TECPR1: variants seen among roughly 807,000 people sequenced by gnomAD.
TECPR1 encodes the protein tectonin beta-propeller repeat-containing protein 1.
A neutral mutation model predicts 162.4 loss-of-function variants in TECPR1; 122 were observed. That is an observed-to-expected ratio of 0.75 (90% CI 0.65 to 0.87). The LOEUF is 0.87. Among genes scored for constraint, TECPR1 ranks in the 40% least tolerant of loss-of-function variants. The probability of loss-of-function intolerance (pLI) is 0.00; values close to 1 mark genes in which losing one functional copy is unlikely to be tolerated. For synonymous variants in TECPR1, 642 were observed against 670.6 expected (o/e 0.96, Z 0.66); for missense variants, 1,432 against 1,618.2 (o/e 0.88, Z 1.97).
Position 98,240,853 on chromosome 7 carries a change from T to C in TECPR1, c.931A>G (p.Lys311Glu), listed in dbSNP as rs1798724925. 4.4e-6 allele frequency: 7 copies of C among 1,599,818 alleles called. No individual in the cohort carries two copies. Among genetic ancestry groups the C allele is most frequent in the Non-Finnish European group, 6.0e-6 (7 of 1,175,996 alleles). Residue 311 changes from lysine to glutamate, a missense_variant and splice_region_variant, in exon 8 of 26, where the codon AAG becomes GAG. Coordinates refer to ENST00000447648, the MANE Select transcript of TECPR1 (RefSeq NM_015395.3). ...CCCCAGCCTCATCCCCATCTTACCT[T>C]CCAGTCCTTGGTGACAGCCCAGACC... ...SVVWAVTKDW[K>E]VWFRRGVNSH...
chr7:98,218,197 C>T (rs1798063458), intron 23 of TECPR1, among the ~76,000 whole-genome samples, 155 bp from the exon 24 acceptor site: 1 of 152,210 alleles, frequency 6.6e-6, no homozygotes, highest in Admixed American at 6.5e-5. Flanking sequence ...GAGTCAGGGC[C>T]ACAGCCTCCT....
At chr7:98,239,324 G>A (rs1798686972) in intron 8 of TECPR1, among the ~76,000 whole-genome samples, 2 of 152,218 alleles carry the variant, frequency 1.3e-5, no homozygotes, top group African/African-American at 4.8e-5. Flanking sequence ...GCTGAGGCGG[G>A]TGGATCACCT....
Position 98,222,375 on chromosome 7 carries a change from G to T in TECPR1, c.3064+11C>A. 6.2e-7 allele frequency: 1 copy of T among 1,605,334 alleles called. No individual in the cohort carries two copies. Among genetic ancestry groups the T allele is most frequent in the Non-Finnish European group, 8.5e-7 (1 of 1,176,502 alleles). On this transcript the variant is annotated intron_variant, in intron 22 of 25. Transcript: ENST00000447648. ...TGAACACTGCAGGGGCTCCTGGGGC[G>T]CGGCACTCACCGGCTGGCTGCGAGG...
intron 15 of TECPR1, among the ~76,000 whole-genome samples, chr7:98,229,651 C>T (rs1401503594): frequency 7.0e-6 from 1 of 143,824 alleles, no homozygotes; most frequent in Admixed American, 6.9e-5. Flanking sequence ...GGTGCCAGCA[C>T]AGCATGGCCT....
rs755289943 is a variant in TECPR1 at position 98,244,952 on chromosome 7, G to A, written c.341C>T (p.Pro114Leu). 7.4e-6 allele frequency: 12 copies of A among 1,612,856 alleles called. No homozygotes were observed. Among genetic ancestry groups the A allele is most frequent in the Admixed American group, 1.7e-5 (1 of 59,998 alleles). Residue 114 changes from proline (P) to leucine (L), a missense_variant, in exon 4 of 26, where the codon CCG (proline) becomes CTG (leucine). Coordinates refer to ENST00000447648, the MANE Select transcript of TECPR1 (RefSeq NM_015395.3). The stretch of plus-strand genomic sequence containing the variant: ...CCAGTCAGACTCCCACTCCCAGTGC[G>A]GCGAGGGCAGTGCCACCCTGTCCAG... The part of the protein sequence containing the change: ...RPLDRVALPS[P>L]HWEWESDWYV...
chr7:98,247,214 C>T (rs1255472716), intron 2 of TECPR1, among the ~76,000 whole-genome samples: 1 of 151,992 alleles, frequency 6.6e-6, no homozygotes, highest in African/African-American at 2.4e-5. Context: ...TTGATTACAA[C>T]TCGTTGCGGC....
chr7:98,245,047 G>A lies in TECPR1; in HGVS notation c.246C>T (p.Gly82=). Residue 82 remains glycine (G), a synonymous_variant, in exon 4 of 26, where the codon GGC becomes GGT. Transcript: ENST00000447648. ...CACTCAGCAGGAGCTTCTCACAGAA[G>A]CCGCCCATGGGATTCCAGCGCTGAG... ...YENQRWNPMG[G]FCEKLLLSDR... is the part of the protein sequence containing the mutation. 6.3e-7 allele frequency: 1 copy of A among 1,593,216 alleles called. No individual in the cohort carries two copies.
At chr7:98,225,189 G>T in intron 17 of TECPR1, 87 bp from the exon 18 acceptor site, 1 of 1,273,170 alleles carries the variant, frequency 7.9e-7, no homozygotes, top group Non-Finnish European at 1.1e-6. Flanking sequence ...CCACAGGGAA[G>T]CACCGAGCTC....
At position 98,229,172 on chromosome 7, in the gene TECPR1, AGGATGGGAGAG is replaced by A. The variant is rs1363765339; in HGVS notation, c.2283-17_2283-7del. 3 of 1,554,930 alleles carry A rather than the reference AGGATGGGAGAG, an allele frequency of 1.9e-6. No individual in the cohort carries two copies. Among genetic ancestry groups the A allele is most frequent in the Non-Finnish European group, 2.6e-6 (3 of 1,149,344 alleles). ...CTCCCATCTGCCGCCAAAACCTGGA[AGGATGGGAGAG>A]GGCAGGTGGAAACCCCTCAGACCCC... On this transcript the variant is annotated splice_polypyrimidine_tract_variant and splice_region_variant and intron_variant, in intron 15 of 25. Coordinates refer to ENST00000447648, the MANE Select transcript of TECPR1 (RefSeq NM_015395.3).
intron 20 of TECPR1, 129 bp downstream of exon 20, chr7:98,223,533 C>G: frequency 1.0e-6 from 1 of 970,340 alleles, no homozygotes; most frequent in Non-Finnish European, 1.6e-6. Flanking sequence ...CTACTCCCCA[C>G]TGCTTCTTCC....
chr7:98,217,714 T>C lies in TECPR1; in HGVS notation c.3362A>G (p.His1121Arg), dbSNP rs1294651139. The change falls in exon 25 of 26, where the codon CAC (histidine) becomes CGC (arginine). Residue 1121 changes from histidine (H) to arginine (R), a missense_variant. By Grantham distance (29) the His-to-Arg change is conservative (BLOSUM62 0). Transcript: ENST00000447648. ...CACCCCGATGCCGTAGTCCCAGCCG[T>C]GGCCCTTGGGCTCGTGAGGCTGCAC... is the stretch of plus-strand genomic sequence containing the variant. ...TGVQPHEPKG[H>R]GWDYGIGGGW... 6 of 1,548,206 alleles carry C rather than the reference T, an allele frequency of 3.9e-6. No homozygotes were observed. The highest frequency in any genetic ancestry group is 5.2e-6 in the Non-Finnish European group (6 of 1,145,714).
At position 98,224,872 on chromosome 7, in the gene TECPR1, G is replaced by T. The variant is rs1458933405; in HGVS notation, c.2619C>A (p.Asp873Glu). The T allele has an allele frequency of 6.4e-7, 1 of 1,563,340 alleles. No homozygotes were observed. The highest frequency in any genetic ancestry group is 8.7e-7 in the Non-Finnish European group (1 of 1,154,194). Reference sequence around the variant, plus strand: ...CCGGAACGCTGAAATCCACGAACCAGTCGGAAACCTGGGAGGAGTGGGTCA... The same window carrying T: ...CCGGAACGCTGAAATCCACGAACCATTCGGAAACCTGGGAGGAGTGGGTCA... Reference protein sequence around the residue: ...PPSLQWAWVSDWFVDFSVPGG... With the variant: ...PPSLQWAWVSEWFVDFSVPGG... Residue 873 changes from aspartate (D) to glutamate (E), a missense_variant, in exon 19 of 26, where the codon GAC becomes GAA. By Grantham distance (45) the Asp-to-Glu change is conservative (BLOSUM62 2). Transcript: ENST00000447648.
At chr7:98,251,251 C>G (rs1238554470) in intron 2 of TECPR1, 143 bp downstream of exon 2, 4 of 152,130 alleles carry the variant, frequency 2.6e-5, no homozygotes, top group Admixed American at 1.3e-4. Flanking sequence ...AAGGTCTGCT[C>G]GCCACCCTCA....
chr7:98,231,777 C>T, intron 13 of TECPR1, 27 bp downstream of exon 13: 1 of 1,603,478 alleles, frequency 6.2e-7, no homozygotes, highest in Non-Finnish European at 8.5e-7. Context: ...CCTCCCTGGC[C>T]CCATCTCCTG....
At chr7:98,223,476 G>C (rs1167711981) in intron 20 of TECPR1, among the ~76,000 whole-genome samples, 186 bp downstream of exon 20, 3 of 152,130 alleles carry the variant, frequency 2.0e-5, no homozygotes, top group Admixed American at 6.5e-5. Context: ...GAGCCTGCGG[G>C]CATTTCCTGG....
At position 98,231,210 on chromosome 7, in the gene TECPR1, C is replaced by A. The variant is rs749851849; in HGVS notation, c.2124+14G>T. Reference sequence around the variant, plus strand: ...ATCCCTCCCCCCGGCCCGAGGGGACCACCGACCACTCACCCAGTCATTCAT... The same window carrying A: ...ATCCCTCCCCCCGGCCCGAGGGGACAACCGACCACTCACCCAGTCATTCAT... On this transcript the variant is annotated intron_variant, in intron 14 of 25. Transcript: ENST00000447648. 1 of 1,611,036 alleles carries A rather than the reference C, an allele frequency of 6.2e-7. No individual in the cohort carries two copies. Among genetic ancestry groups the A allele is most frequent in the Non-Finnish European group, 8.5e-7 (1 of 1,179,690 alleles).
At chr7:98,229,722 CCTGTCACTGTCA>C (rs1798371796) in intron 15 of TECPR1, among the ~76,000 whole-genome samples, 1 of 152,168 alleles carries the variant, frequency 6.6e-6, no homozygotes, top group Admixed American at 6.5e-5. Flanking sequence ...CGGCCGAGGC[CCTGTCACTGTCA>C]CTGTCACCAG....
At chr7:98,240,027 T>C (rs1798705270) in intron 8 of TECPR1, among the ~76,000 whole-genome samples, 1 of 151,928 alleles carries the variant, frequency 6.6e-6, no homozygotes, top group African/African-American at 2.4e-5. Flanking sequence ...GAGAATGGCG[T>C]GAACCCGGGA....
intron 8 of TECPR1, among the ~76,000 whole-genome samples, chr7:98,239,331 A>G (rs1584349160): frequency 6.6e-6 from 1 of 152,138 alleles, no homozygotes; most frequent in South Asian, 2.1e-4. Flanking sequence ...CGGGTGGATC[A>G]CCTGCGGTCA....
Sources: allele counts gnomAD v4.1 joint callset (sites outside exome capture counted in the v4.1 genomes callset), GRCh38; gene constraint gnomAD v4.1.1; transcripts MANE v1.5; gene names NCBI Gene and HGNC (gene_info 2026-07-23, HGNC 2026-07-21).